Variants in JPH3 observed in about 807,000 individuals in gnomAD.
JPH3 encodes junctophilin 3.
In JPH3, 11 loss-of-function variants were observed where a neutral mutation model predicts 59.6. The ratio of observed to expected loss-of-function variants is 0.18; its 90% CI spans 0.12 to 0.31. JPH3 has a LOEUF of 0.31. Among genes scored for constraint, JPH3 ranks in the 10% least tolerant of loss-of-function variants. The pLI, the probability that JPH3 is intolerant of heterozygous loss-of-function variation, is 1.00. For missense variants in JPH3, 1,202 were observed against 1,105.7 expected (o/e 1.09, Z -1.24); for synonymous variants, 673 against 483.6 (o/e 1.39, Z -5.14).
chr16:87,670,498 C>A (rs1167140637), intron 2 of JPH3, among the ~76,000 whole-genome samples: 1 of 152,198 alleles, frequency 6.6e-6, no homozygotes, highest in East Asian at 1.9e-4. Context: ...AGGACCTGTC[C>A]CTGTGAGCGG....
chr16:87,628,974 G>C (rs573491600), intron 1 of JPH3, among the ~76,000 whole-genome samples: 4 of 152,302 alleles, frequency 2.6e-5, no homozygotes, highest in African/African-American at 9.6e-5. Flanking sequence ...GAGTTACTGG[G>C]TGTGGGGCTT....
chr16:87,665,423 C>T (rs2032830836), intron 2 of JPH3, among the ~76,000 whole-genome samples: 1 of 152,248 alleles, frequency 6.6e-6, no homozygotes, highest in Admixed American at 6.5e-5. Flanking sequence ...CCGGACCCCG[C>T]ACTTTGCTTA....
At chr16:87,628,443 G>A (rs914896262) in intron 1 of JPH3, among the ~76,000 whole-genome samples, 1 of 152,256 alleles carries the variant, frequency 6.6e-6, no homozygotes, top group African/African-American at 2.4e-5. Flanking sequence ...GGGCCGGATC[G>A]TGATCAGAGC....
In JPH3 at chr16:87,604,324, C is replaced by CTGCTGCTGA. The variant is rs764675528; in HGVS notation, c.382+801_382+802insCTGATGCTG. The CTGCTGCTGA allele has an allele frequency of 4.1e-4, 604 of 1,465,942 alleles. 4 individuals are homozygous for CTGCTGCTGA. The African/African-American group carries it at 6.4e-3, about 16-fold the overall frequency. The allele number at this position is 1,465,942 out of a possible 1,614,324, so 90.8% of individuals were successfully genotyped here. ...GCTGCTGCTGCTGCTGCTGCTGCTG[C>CTGCTGCTGA]TGCTGTAAGATGGTTTCTGTGCAGG... On this transcript the variant is annotated intron_variant, in intron 1 of 4. Transcript: ENST00000284262.
chr16:87,610,338 A>G (rs13330325), intron 1 of JPH3, among the ~76,000 whole-genome samples: 35,219 of 152,168 alleles, frequency 0.23, 4,873 homozygotes, highest in Admixed American at 0.35. Flanking sequence ...CATATTGGAC[A>G]ATGTAAATCC....
chr16:87,645,902 CTG>C (rs1181361264), intron 2 of JPH3, among the ~76,000 whole-genome samples: 1 of 152,212 alleles, frequency 6.6e-6, no homozygotes, highest in African/African-American at 2.4e-5. Context: ...TCTAAAGTAA[CTG>C]AGGTTACTAA....
Position 87,644,637 on chromosome 16 carries a change from C to T in JPH3, c.762C>T (p.Ser254=), listed in dbSNP as rs779721921. ...GCGAGGCGGGCATGAGCACCGTCAG[C>T]TCCACGGCCAGCGACATCCACTCCA... ...FRSEAGMSTV[S]STASDIHSTI... The change falls in exon 2 of 5, where the codon AGC becomes AGT. Residue 254 remains serine (S), a synonymous_variant. Coordinates refer to ENST00000284262, the MANE Select transcript of JPH3 (RefSeq NM_020655.4). 2 of 1,612,156 alleles carry T rather than the reference C, an allele frequency of 1.2e-6. No individual in the cohort carries two copies. Among genetic ancestry groups the T allele is most frequent in the South Asian group, 1.1e-5 (1 of 91,076 alleles).
At position 87,690,146 on chromosome 16, in the gene JPH3, G is replaced by A. The variant is rs373134894; in HGVS notation, c.1786G>A (p.Gly596Arg). The A allele has an allele frequency of 3.1e-5, 50 of 1,596,828 alleles. No individual in the cohort carries two copies. In the East Asian group the frequency reaches 5.7e-4, roughly 18 times the overall value. The change falls in exon 4 of 5, where the codon GGA becomes AGA. Residue 596 changes from glycine (G) to arginine (R), a missense_variant. Gly to Arg is a moderately radical substitution (Grantham distance 125, BLOSUM62 -2). Transcript: ENST00000284262. Reference protein sequence around the residue: ...SHHRASNHSPGGSRLLELQEE... With the variant: ...SHHRASNHSPRGSRLLELQEE... Reference sequence around the variant, plus strand: ...CCACCGGGCCAGCAACCACAGCCCCGGAGGCTCCAGGCTGCTGGAGCTGCA... The same window carrying A: ...CCACCGGGCCAGCAACCACAGCCCCAGAGGCTCCAGGCTGCTGGAGCTGCA...
At chr16:87,653,782 G>C (rs192059842) in intron 2 of JPH3, 3 of 152,280 alleles carry the variant, frequency 2.0e-5, no homozygotes, top group African/African-American at 7.2e-5. Flanking sequence ...TTCTGGAGTC[G>C]AGTGGGACTG....
At chr16:87,618,710 C>T (rs887894303) in intron 1 of JPH3, among the ~76,000 whole-genome samples, 2 of 152,182 alleles carry the variant, frequency 1.3e-5, no homozygotes, top group African/African-American at 4.8e-5. Context: ...TTCCTGGAGG[C>T]TGGTGCTGAG....
intron 1 of JPH3, among the ~76,000 whole-genome samples, chr16:87,622,743 C>CT (rs933588380): frequency 1.3e-5 from 2 of 151,940 alleles, no homozygotes; most frequent in Admixed American, 1.3e-4. Context: ...ATCAGACCCC[C>CT]CCCCGCCCCA....
intron 2 of JPH3, among the ~76,000 whole-genome samples, chr16:87,647,615 C>T (rs963371126): frequency 6.6e-6 from 1 of 152,174 alleles, no homozygotes; most frequent in Non-Finnish European, 1.5e-5. Context: ...CTTCCGCATG[C>T]GCACAACTGG....
chr16:87,638,761 G>T (rs1434993737), intron 1 of JPH3, among the ~76,000 whole-genome samples: 1 of 152,174 alleles, frequency 6.6e-6, no homozygotes, highest in Admixed American at 6.5e-5. Flanking sequence ...GAATGGGAAC[G>T]ACAACATCCA....
At chr16:87,655,337 TTTATTTTTTGTGACAGG>T (rs1567601271) in intron 2 of JPH3, among the ~76,000 whole-genome samples, 2 of 151,540 alleles carry the variant, frequency 1.3e-5, no homozygotes, top group African/African-American at 4.9e-5. Flanking sequence ...AACAAATAAT[TTTATTTTTTGTGACAGG>T]GTGTTATTTT....
At chr16:87,681,139 GAT>G (rs2033279716) in intron 2 of JPH3, among the ~76,000 whole-genome samples, 2 of 147,950 alleles carry the variant, frequency 1.4e-5, no homozygotes, top group African/African-American at 2.5e-5. Context: ...TGCGCGCGGT[GAT>G]GACAGTTCCG....
intron 4 of JPH3, among the ~76,000 whole-genome samples, chr16:87,692,088 C>T (rs892168115): frequency 2.0e-5 from 3 of 152,054 alleles, no homozygotes; most frequent in African/African-American, 7.2e-5. Context: ...TGGGGCTAAT[C>T]TGGAGGTCCC....
At chr16:87,619,078 ACT>A (rs1285636505) in intron 1 of JPH3, among the ~76,000 whole-genome samples, 1 of 102,984 alleles carries the variant, frequency 9.7e-6, no homozygotes, top group African/African-American at 3.9e-5. Flanking sequence ...ACAGAGTAAG[ACT>A]CTGTCTCAAA....
At chr16:87,675,635 C>T (rs1026545805) in intron 2 of JPH3, among the ~76,000 whole-genome samples, 1 of 152,182 alleles carries the variant, frequency 6.6e-6, no homozygotes, top group Non-Finnish European at 1.5e-5. Context: ...TGTTTTGCTC[C>T]GGGAGTGTGG....
intron 1 of JPH3, among the ~76,000 whole-genome samples, chr16:87,632,528 C>A (rs1483501771): frequency 6.6e-6 from 1 of 152,182 alleles, no homozygotes; most frequent in Non-Finnish European, 1.5e-5. Context: ...CAGCCTCAAT[C>A]TCCTGGGCTC....
Sources: gnomAD v4.1 joint callset for allele counts (sites outside exome capture counted in the v4.1 genomes callset) on GRCh38, gnomAD v4.1.1 for gene constraint, MANE v1.5 for transcripts, NCBI Gene and HGNC (gene_info 2026-07-23, HGNC 2026-07-21) for gene names.